SLIT3: variants seen among roughly 807,000 people sequenced by gnomAD.
SLIT3 encodes slit guidance ligand 3.
SLIT3 carries 68 observed loss-of-function variants against 184.0 expected under a neutral mutation model. That is an observed-to-expected ratio of 0.37 (90% CI 0.30 to 0.45). The LOEUF is 0.45. SLIT3 is among the 20% of genes least tolerant of loss of function. The pLI, the probability that SLIT3 is intolerant of heterozygous loss-of-function variation, is 1.00. For synonymous variants in SLIT3, 831 were observed against 828.6 expected (o/e 1.00, Z -0.05); for missense variants, 1,707 against 2,026.0 (o/e 0.84, Z 3.02).
At chr5:168,806,103 A>T (rs1439081117) in intron 9 of SLIT3, among the ~76,000 whole-genome samples, 1 of 152,254 alleles carries the variant, frequency 6.6e-6, no homozygotes, top group Non-Finnish European at 1.5e-5. Flanking sequence ...CTTGTGGGCC[A>T]TGCAGTCTTC....
At position 168,749,330 on chromosome 5, in the gene SLIT3, T is replaced by C. The variant is rs1754614015; in HGVS notation, c.2137+142A>G. 2.0e-5 allele frequency: 18 copies of C among 893,644 alleles called. No individual in the cohort carries two copies. The East Asian group carries it at 4.5e-4, about 22-fold the overall frequency. 55.4% of individuals were successfully genotyped at this position (893,644 alleles called of 1,614,324 possible). A position where few individuals can be genotyped will look rare whatever the true frequency, so the allele number is the denominator to read the frequency against. Reference sequence around the variant, plus strand: ...AGGAGCCATGTGGGCTAGTAGCAGATCTGCAGAGCTCTCCAGAGCTCCAGC... The same window carrying C: ...AGGAGCCATGTGGGCTAGTAGCAGACCTGCAGAGCTCTCCAGAGCTCCAGC... On this transcript the variant is annotated intron_variant, in intron 19 of 35. Coordinates refer to ENST00000519560, the MANE Select transcript of SLIT3 (RefSeq NM_003062.4).
At chr5:169,095,285 G>A (rs545787822) in intron 4 of SLIT3, among the ~76,000 whole-genome samples, 1 of 152,226 alleles carries the variant, frequency 6.6e-6, no homozygotes, top group South Asian at 2.1e-4. Context: ...TTAAAAATAT[G>A]AATGCAGAGT....
chr5:169,295,655 T>C (rs888783), intron 1 of SLIT3, among the ~76,000 whole-genome samples: 88,355 of 152,136 alleles, frequency 0.58, 26,252 homozygotes, highest in South Asian at 0.66. Flanking sequence ...GGGAACCTTC[T>C]TGCCATAGCC....
intron 27 of SLIT3, among the ~76,000 whole-genome samples, chr5:168,698,711 C>T (rs542945225): frequency 1.3e-5 from 2 of 152,256 alleles, no homozygotes; most frequent in South Asian, 4.2e-4. Context: ...CCCCTTCACC[C>T]ACCAGGTGCT....
rs1447465532 is a variant in SLIT3, at chr5:169,300,705, G to A, written c.5C>T (p.Ala2Val). Reference sequence around the variant, plus strand: ...GGCGCCGACCCCTGCCCACCCGGGGGCCATGGTGTGCAGGGCCCCGCTCCT... The same window carrying A: ...GGCGCCGACCCCTGCCCACCCGGGGACCATGGTGTGCAGGGCCCCGCTCCT... M[A>V]PGWAGVGAAV... Residue 2 changes from alanine (A) to valine (V), a missense_variant, in exon 1 of 36, where the codon GCC (alanine) becomes GTC (valine). This residue lies in a region of SLIT3 where 1,307 missense variants were observed against 1,511.6 expected (regional missense o/e 0.86). Transcript: ENST00000519560. This position sits in a 1 kb window ranked among gnomAD's most constrained non-coding sequence, Gnocchi z 4.1. 1 of 1,364,318 alleles carries A rather than the reference G, an allele frequency of 7.3e-7. No individual in the cohort carries two copies. The allele number at this position is 1,364,318 out of a possible 1,614,324, so 84.5% of individuals were successfully genotyped here.
intron 16 of SLIT3, 45 bp from the exon 17 acceptor site, chr5:168,754,052 G>C (rs1248459263): frequency 6.6e-7 from 1 of 1,523,788 alleles, no homozygotes; most frequent in Non-Finnish European, 8.8e-7. Context: ...AGGAGCAGAT[G>C]GTCTTGATGC....
intron 4 of SLIT3, among the ~76,000 whole-genome samples, chr5:169,153,946 G>A (rs1762211594): frequency 1.3e-5 from 2 of 150,994 alleles, no homozygotes; most frequent in Non-Finnish European, 2.9e-5. Context: ...CTGTAACCTT[G>A]ACAGACTCCC....
At chr5:169,117,268 A>G (rs755837609) in intron 4 of SLIT3, among the ~76,000 whole-genome samples, 1 of 152,212 alleles carries the variant, frequency 6.6e-6, no homozygotes, top group Non-Finnish European at 1.5e-5. Flanking sequence ...ACAATCTATA[A>G]AAAGCACGGC....
In SLIT3 at chr5:168,722,288, G is replaced by T; in HGVS notation, c.2451C>A (p.His817Gln). Residue 817 changes from histidine (H) to glutamine (Q), a missense_variant, in exon 23 of 36, where the codon CAC (histidine) becomes CAA (glutamine). His to Gln is a conservative substitution (Grantham distance 24, BLOSUM62 0). Transcript: ENST00000519560. ...SYNRLRCIPVHAFNGLRSLRV... is the reference protein window; with the variant it reads ...SYNRLRCIPVQAFNGLRSLRV... ...GCAGGGACCGCAGCCCGTTGAAGGCGTGGACGGGGATGCACCTCAGCCGGT... is the reference window on the plus strand; with the variant it reads ...GCAGGGACCGCAGCCCGTTGAAGGCTTGGACGGGGATGCACCTCAGCCGGT... The T allele has an allele frequency of 6.2e-7, 1 of 1,614,138 alleles. No homozygotes were observed. The highest frequency in any genetic ancestry group is 8.5e-7 in the Non-Finnish European group (1 of 1,180,018).
Position 168,797,415 on chromosome 5 carries a change from C to T in SLIT3, c.936-1837G>A, listed in dbSNP as rs138945723. 4.7e-3 allele frequency among the ~76,000 whole-genome samples: 716 copies of T among 152,320 alleles called. 4 individuals are homozygous for T. The highest frequency in any genetic ancestry group is 0.015 in the African/African-American group (640 of 41,566). ...CAGGGAAAGCCACTGTCTGTAACAA[C>T]GGCAATCCCCTCAGTTTTTGCAAGA... On this transcript the variant is annotated intron_variant, in intron 9 of 35. Coordinates refer to ENST00000519560, the MANE Select transcript of SLIT3 (RefSeq NM_003062.4).
In SLIT3 at chr5:169,112,382, C is replaced by T. The variant is rs532575982; in HGVS notation, c.413+81097G>A. ...CCTCTTGGCTGCTTGATCTTGGGTA[C>T]GTTCCTTAATTAAGTTCTCTGATTC... is the stretch of plus-strand genomic sequence containing the variant. On this transcript the variant is annotated intron_variant, in intron 4 of 35. Coordinates refer to ENST00000519560, the MANE Select transcript of SLIT3 (RefSeq NM_003062.4). Among the ~76,000 whole-genome samples, 8 of 152,150 alleles carry T rather than the reference C, an allele frequency of 5.3e-5. No individual in the cohort carries two copies. In the South Asian group the frequency reaches 1.0e-3, roughly 20 times the overall value.
At chr5:168,822,881 A>C (rs1757577699) in intron 7 of SLIT3, among the ~76,000 whole-genome samples, 2 of 152,236 alleles carry the variant, frequency 1.3e-5, no homozygotes, top group Non-Finnish European at 2.9e-5. Flanking sequence ...TGCTGATGTT[A>C]CGTGACATTA....
At chr5:169,155,023 A>G (rs1352863053) in intron 4 of SLIT3, among the ~76,000 whole-genome samples, 1 of 152,210 alleles carries the variant, frequency 6.6e-6, no homozygotes, top group Non-Finnish European at 1.5e-5. Flanking sequence ...TAAGAATCAG[A>G]TAGGATGACA....
At chr5:168,832,171 A>G (rs1757902527) in intron 6 of SLIT3, among the ~76,000 whole-genome samples, 1 of 152,250 alleles carries the variant, frequency 6.6e-6, no homozygotes, top group South Asian at 2.1e-4. Context: ...CATCATCTAC[A>G]GACTGAGACC....
intron 26 of SLIT3, among the ~76,000 whole-genome samples, chr5:168,701,197 T>G (rs1385467561): frequency 9.2e-5 from 14 of 152,242 alleles, no homozygotes; most frequent in Non-Finnish European, 1.5e-5. Context: ...GTAGGCATTC[T>G]GTAAATGCTA....
intron 7 of SLIT3, 47 bp downstream of exon 7, chr5:168,823,213 C>T (rs759176562): frequency 1.6e-5 from 23 of 1,445,174 alleles, no homozygotes; most frequent in Admixed American, 1.0e-4. Flanking sequence ...GCACTTTGGG[C>T]GTGAGGTAGG....
intron 5 of SLIT3, among the ~76,000 whole-genome samples, chr5:168,861,374 T>C (rs1759100630): frequency 1.3e-5 from 2 of 151,706 alleles, no homozygotes; most frequent in Non-Finnish European, 1.5e-5. Context: ...GCAACCTGAA[T>C]TCCATGCGTG....
chr5:169,057,281 G>T (rs1407675111), intron 4 of SLIT3, among the ~76,000 whole-genome samples: 1 of 152,210 alleles, frequency 6.6e-6, no homozygotes, highest in African/African-American at 2.4e-5. Flanking sequence ...AGACTTAGGG[G>T]AGAGGGGAAG....
At chr5:168,918,078 T>A (rs1280112390) in intron 4 of SLIT3, among the ~76,000 whole-genome samples, 1 of 152,138 alleles carries the variant, frequency 6.6e-6, no homozygotes, top group Non-Finnish European at 1.5e-5. Context: ...AATCCTCTTC[T>A]CCCTCTCCCT....
Sources: allele counts gnomAD v4.1 joint callset (sites outside exome capture counted in the v4.1 genomes callset), GRCh38; gene constraint gnomAD v4.1.1; regional missense constraint gnomAD v4.1.1; non-coding constraint Gnocchi (gnomAD v3.1); transcripts MANE v1.5; gene names NCBI Gene and HGNC (gene_info 2026-07-23, HGNC 2026-07-21).